Variants in ALG6 observed in about 807,000 individuals in gnomAD.
ALG6 encodes dolichyl pyrophosphate Man9GlcNAc2 alpha-1,3-glucosyltransferase.
ALG6 carries 46 observed loss-of-function variants against 66.6 expected under a neutral mutation model. The observed-to-expected ratio is 0.69, with a 90% CI of 0.55 to 0.88. The LOEUF (loss-of-function observed/expected upper bound fraction) is 0.88, where lower values mean the gene tolerates loss of function less well. Among genes scored for constraint, ALG6 ranks in the 40% least tolerant of loss-of-function variants. The probability of loss-of-function intolerance (pLI) is 0.00; values close to 1 mark genes in which losing one functional copy is unlikely to be tolerated. For synonymous variants in ALG6, 185 were observed against 203.7 expected (o/e 0.91, Z 0.78); for missense variants, 505 against 586.8 (o/e 0.86, Z 1.44).
In ALG6 at chr1:63,437,716, TTTAAC is replaced by T. The variant is rs1178959305; in HGVS notation, c.*704_*708del. The T allele has an allele frequency of 6.6e-6, 1 of 152,148 alleles. No homozygotes were observed. The highest frequency in any genetic ancestry group is 1.5e-5 in the Non-Finnish European group (1 of 68,030). The allele number at this position is 152,148 out of a possible 1,614,324, so 9.4% of individuals were successfully genotyped here. A position where few individuals can be genotyped will look rare whatever the true frequency, so the allele number is the denominator to read the frequency against. The stretch of plus-strand genomic sequence containing the variant: ...AATTTTCCTGAATTTAAATGTAAGC[TTTAAC>T]TTAACTTTAAGTGGTTTGAGTGAAG... On this transcript the variant is annotated 3_prime_UTR_variant, in exon 15 of 15. Coordinates refer to ENST00000263440, the MANE Select transcript of ALG6 (RefSeq NM_013339.4).
intron 2 of ALG6, among the ~76,000 whole-genome samples, chr1:63,385,538 T>C (rs776586258): frequency 2.6e-5 from 4 of 152,160 alleles, no homozygotes; most frequent in Non-Finnish European, 5.9e-5. Flanking sequence ...GCCTGATCTT[T>C]TATTCTTTAG....
chr1:63,383,992 G>T (rs1228003627), intron 2 of ALG6, among the ~76,000 whole-genome samples: 1 of 152,202 alleles, frequency 6.6e-6, no homozygotes, highest in Non-Finnish European at 1.5e-5. Flanking sequence ...TGTTGCAAGT[G>T]ACAGGATCTC....
At chr1:63,434,344 A>C (rs1272874634) in intron 14 of ALG6, among the ~76,000 whole-genome samples, 2 of 152,270 alleles carry the variant, frequency 1.3e-5, no homozygotes, top group East Asian at 3.9e-4. Flanking sequence ...TACATAACTG[A>C]ATGGGTGGGG....
chr1:63,431,574 A>G (rs1482152214), intron 14 of ALG6, among the ~76,000 whole-genome samples: 1 of 152,070 alleles, frequency 6.6e-6, no homozygotes, highest in Non-Finnish European at 1.5e-5. Context: ...GTGCCACCAC[A>G]CCCGGCTAAT....
chr1:63,432,028 A>G (rs981242937), intron 14 of ALG6, among the ~76,000 whole-genome samples: 2 of 152,138 alleles, frequency 1.3e-5, no homozygotes, highest in Admixed American at 1.3e-4. Flanking sequence ...CCTAGGACCT[A>G]TAAGACAGTG....
intron 2 of ALG6, 104 bp from the exon 3 acceptor site, chr1:63,396,409 T>C (rs1570052292): frequency 5.2e-6 from 5 of 965,094 alleles, no homozygotes; most frequent in Non-Finnish European, 8.2e-6. Flanking sequence ...GTTCTTTCTG[T>C]AACCTACACT....
At chr1:63,405,481 A>G (rs1182716837) in intron 5 of ALG6, among the ~76,000 whole-genome samples, 2 of 152,174 alleles carry the variant, frequency 1.3e-5, no homozygotes, top group Non-Finnish European at 2.9e-5. Context: ...CTAACATCCT[A>G]CAGGAATTTG....
At chr1:63,410,584 A>G (rs987997875) in intron 7 of ALG6, among the ~76,000 whole-genome samples, 1 of 152,042 alleles carries the variant, frequency 6.6e-6, no homozygotes, top group Non-Finnish European at 1.5e-5. Context: ...TCCTTTTCCT[A>G]TTATTTTAAG....
chr1:63,394,058 T>C (rs1648747863), intron 2 of ALG6, among the ~76,000 whole-genome samples: 2 of 152,242 alleles, frequency 1.3e-5, no homozygotes, highest in South Asian at 4.1e-4. Flanking sequence ...AATATCTTCT[T>C]AGAGATTATA....
chr1:63,408,086 G>A (rs1007316629), intron 7 of ALG6, among the ~76,000 whole-genome samples: 1 of 152,084 alleles, frequency 6.6e-6, no homozygotes, highest in East Asian at 1.9e-4. Flanking sequence ...GTACAGCTCA[G>A]TGAGTTGGCA....
chr1:63,392,509 C>A (rs907060789), intron 2 of ALG6, among the ~76,000 whole-genome samples: 23 of 152,136 alleles, frequency 1.5e-4, no homozygotes, highest in African/African-American at 5.6e-4. Flanking sequence ...TAGCCAAATT[C>A]TCTTCTCTAA....
Position 63,415,881 on chromosome 1 carries a change from C to T in ALG6, c.911C>T (p.Ser304Phe), listed in dbSNP as rs4630153. 0.72 allele frequency: 1,149,644 copies of T among 1,601,814 alleles called. 416,603 individuals are homozygous for T. Among genetic ancestry groups the T allele is most frequent in the African/African-American group, 0.87 (64,905 of 74,720 alleles). The change falls in exon 11 of 15, where the codon TCT becomes TTT. Residue 304 changes from serine (S) to phenylalanine (F), a missense_variant. By Grantham distance (155) the Ser-to-Phe change is radical (BLOSUM62 -2). Transcript: ENST00000263440. ...TTGTATTAATTTTTTAGCTTTTGTT[C>T]TACGTTTTTGAGCCTGCTTCCTGCA... is the stretch of plus-strand genomic sequence containing the variant. ...RHIQLIMSFC[S>F]TFLSLLPACI...
chr1:63,413,721 A>G (rs1414725090), intron 9 of ALG6: 1 of 215,246 alleles, frequency 4.6e-6, no homozygotes, highest in South Asian at 7.4e-5. Flanking sequence ...TATGTATTCT[A>G]TAAATTGTAG....
At chr1:63,384,396 C>A (rs1348162745) in intron 2 of ALG6, among the ~76,000 whole-genome samples, 1 of 151,998 alleles carries the variant, frequency 6.6e-6, no homozygotes, top group Non-Finnish European at 1.5e-5. Flanking sequence ...GGTTGTTAAT[C>A]CCTTGTCAGA....
chr1:63,402,419 C>A, intron 4 of ALG6, 76 bp downstream of exon 4: 1 of 776,750 alleles, frequency 1.3e-6, no homozygotes, highest in South Asian at 1.4e-5. Flanking sequence ...TGTGATGGGG[C>A]TTTCTTGACT....
chr1:63,419,016 T>C (rs991798422), intron 11 of ALG6, among the ~76,000 whole-genome samples: 4 of 152,218 alleles, frequency 2.6e-5, no homozygotes, highest in African/African-American at 9.6e-5. Flanking sequence ...GGTTTTAGAT[T>C]CTGACCTTCT....
intron 4 of ALG6, among the ~76,000 whole-genome samples, chr1:63,403,094 C>CAAAAA (rs1160526296): frequency 1.5e-5 from 1 of 65,318 alleles, no homozygotes; most frequent in Non-Finnish European, 3.0e-5. Context: ...GACTCCATCT[C>CAAAAA]AAAAAAAAAA....
At chr1:63,404,730 A>T (rs1193937688) in intron 5 of ALG6, among the ~76,000 whole-genome samples, 189 bp downstream of exon 5, 1 of 152,168 alleles carries the variant, frequency 6.6e-6, no homozygotes, top group Non-Finnish European at 1.5e-5. Flanking sequence ...AACTTGAAAG[A>T]GTAGAAAGGA....
chr1:63,432,886 C>T (rs1465269601), intron 14 of ALG6, among the ~76,000 whole-genome samples: 1 of 152,206 alleles, frequency 6.6e-6, no homozygotes, highest in Non-Finnish European at 1.5e-5. Context: ...CCTTCCTCAG[C>T]CTCCTGAGTA....
Sources: gnomAD v4.1 joint callset for allele counts (sites outside exome capture counted in the v4.1 genomes callset) on GRCh38, gnomAD v4.1.1 for gene constraint, MANE v1.5 for transcripts, NCBI Gene and HGNC (gene_info 2026-07-23, HGNC 2026-07-21) for gene names.